Variants in RAB3IL1 observed in about 807,000 individuals in gnomAD.
RAB3IL1 encodes the protein RAB3A interacting protein like 1, also known as guanine nucleotide exchange factor for Rab-3A.
RAB3IL1 carries 37 observed loss-of-function variants against 49.2 expected under a neutral mutation model. The ratio of observed to expected loss-of-function variants is 0.75; its 90% CI spans 0.58 to 0.99. The LOEUF (loss-of-function observed/expected upper bound fraction) is 0.99, where lower values mean the gene tolerates loss of function less well. Among genes scored for constraint, RAB3IL1 ranks in the 50% least tolerant of loss-of-function variants. The pLI is 0.00. For missense variants in RAB3IL1, 484 were observed against 513.0 expected, an observed-to-expected ratio of 0.94 and a Z score of 0.55; for synonymous variants, 193 against 213.9, an observed-to-expected ratio of 0.90 and a Z score of 0.85.
chr11:61,931,418 G>C, the RAB3IL1 span, among the ~76,000 whole-genome samples: 2 of 152,200 alleles, frequency 1.3e-5, no homozygotes, highest in African/African-American at 2.4e-5. Context: ...AACCCAAGAA[G>C]AGAGATCTAA....
intron 1 of RAB3IL1, among the ~76,000 whole-genome samples, chr11:61,911,870 G>A (rs1939466889): frequency 6.6e-6 from 1 of 152,180 alleles, no homozygotes; most frequent in South Asian, 2.1e-4. Flanking sequence ...AGAAAATGCA[G>A]TAACCACAAT....
the RAB3IL1 span, among the ~76,000 whole-genome samples, chr11:61,942,277 A>G: frequency 6.6e-6 from 1 of 152,302 alleles, no homozygotes; most frequent in Admixed American, 6.5e-5. Context: ...GTTAAGAGTC[A>G]TCACCACTCC....
the RAB3IL1 span, among the ~76,000 whole-genome samples, chr11:61,941,556 T>C: frequency 6.6e-6 from 1 of 152,064 alleles, no homozygotes; most frequent in Non-Finnish European, 1.5e-5. Flanking sequence ...ATCGAGACCA[T>C]CCTGGCTAAT....
chr11:61,908,444 C>G, intron 1 of RAB3IL1, 138 bp from the exon 2 acceptor site: 1 of 1,012,196 alleles, frequency 9.9e-7, no homozygotes, highest in Non-Finnish European at 1.3e-6. Context: ...ACCCTACCAG[C>G]TATCATCAGT....
At chr11:61,936,548 A>G in the RAB3IL1 span, among the ~76,000 whole-genome samples, 2 of 152,178 alleles carry the variant, frequency 1.3e-5, no homozygotes, top group Middle Eastern at 6.8e-3. Context: ...CGCCATGTTG[A>G]CCAAGCTGGT....
upstream of RAB3IL1, among the ~76,000 whole-genome samples, chr11:61,920,744 T>A (rs1019734685): frequency 6.6e-6 from 1 of 152,154 alleles, no homozygotes; most frequent in African/African-American, 2.4e-5. Context: ...ACCAACATGG[T>A]GAAACCCTGT....
chr11:61,899,424 T>TG, intron 8 of RAB3IL1, 44 bp from the exon 9 acceptor site: 1 of 1,579,844 alleles, frequency 6.3e-7, no homozygotes, highest in Non-Finnish European at 8.6e-7. Flanking sequence ...AGCCCCACGC[T>TG]GGGGGTCCCC....
the RAB3IL1 span, among the ~76,000 whole-genome samples, chr11:61,927,133 C>T: frequency 3.3e-5 from 5 of 152,164 alleles, no homozygotes; most frequent in African/African-American, 7.2e-5. Flanking sequence ...CATGAGCCAA[C>T]GCACCCAGCC....
intron 1 of RAB3IL1, among the ~76,000 whole-genome samples, chr11:61,915,272 C>T (rs540295795): frequency 3.3e-5 from 5 of 152,188 alleles, no homozygotes; most frequent in African/African-American, 1.2e-4. Flanking sequence ...GCTGGCTCAT[C>T]CAGAGTGTTG....
At chr11:61,899,234 C>A in intron 9 of RAB3IL1, 80 bp downstream of exon 9, 1 of 1,447,156 alleles carries the variant, frequency 6.9e-7, no homozygotes, top group East Asian at 2.4e-5. Context: ...CCACTAGGGG[C>A]AGGTGGGCCC....
At chr11:61,913,894 G>T (rs1939569987) in intron 1 of RAB3IL1, among the ~76,000 whole-genome samples, 1 of 148,068 alleles carries the variant, frequency 6.8e-6, no homozygotes, top group Admixed American at 6.7e-5. Context: ...GAGGGTCTAG[G>T]ACAAGCAGGA....
Position 61,906,405 on chromosome 11 carries a change from C to A in RAB3IL1, c.657+61G>T. 6.9e-7 allele frequency: 1 copy of A among 1,441,742 alleles called. No individual in the cohort carries two copies. The highest frequency in any genetic ancestry group is 1.4e-5 in the African/African-American group (1 of 71,192). The allele number at this position is 1,441,742 out of a possible 1,614,324, so 89.3% of individuals were successfully genotyped here. A position where few individuals can be genotyped will look rare whatever the true frequency, so the allele number is the denominator to read the frequency against. On this transcript the variant is annotated intron_variant, in intron 5 of 9. Transcript: ENST00000394836. The surrounding 1 kb of genome is among the most constrained non-coding windows in gnomAD (Gnocchi z 4.6). The stretch of plus-strand genomic sequence containing the variant: ...CAGGCTGGTCCTCACTGGGCTCGGA[C>A]CCTGCCTACCGCAGGCACTGCCACC...
In RAB3IL1 at chr11:61,904,763, T is replaced by C. The variant is rs174473; in HGVS notation, c.777A>G (p.Thr259=). 403,569 of 1,602,500 alleles carry C rather than the reference T, an allele frequency of 0.25. 55,387 individuals are homozygous for C. The highest frequency in any genetic ancestry group is 0.48 in the South Asian group (42,505 of 89,456). The part of the protein sequence containing the change: ...REDVGPCLDF[T]MQELSVLVRA... The stretch of plus-strand genomic sequence containing the variant: ...CCCTGCCATGCCTCACCTCCTGCAT[T>C]GTGAAGTCCAGGCAGGGGCCCACGT... Residue 259 remains threonine (T), a synonymous_variant, in exon 6 of 10, where the codon ACA becomes ACG. Transcript: ENST00000394836.
the RAB3IL1 span, among the ~76,000 whole-genome samples, chr11:61,944,220 C>CCCCT: frequency 2.9e-3 from 107 of 37,068 alleles, 1 homozygote; most frequent in Non-Finnish European, 1.8e-3. Context: ...CCTTCCTTCC[C>CCCCT]TCCTTCCTTC....
At chr11:61,920,313 C>G (rs548236643), upstream of RAB3IL1, 24 of 1,205,986 alleles carry the variant, frequency 2.0e-5, no homozygotes, top group East Asian at 4.4e-4. Flanking sequence ...AGAGCAGCAG[C>G]CTGGGAGGGA....
chr11:61,917,433 C>G lies in RAB3IL1; in HGVS notation c.-66G>C. ...GCCGCGTCCTCCCAGCGCCGCGTCCCCGCCCGCCGCCGACTCCGCCAGGGG... is the reference window on the plus strand; with the variant it reads ...GCCGCGTCCTCCCAGCGCCGCGTCCGCGCCCGCCGCCGACTCCGCCAGGGG... On this transcript the variant is annotated 5_prime_UTR_variant, in exon 1 of 10. Coordinates refer to ENST00000394836, the MANE Select transcript of RAB3IL1 (RefSeq NM_013401.4). 1.7e-6 allele frequency: 2 copies of G among 1,190,128 alleles called. No individual in the cohort carries two copies. The highest frequency in any genetic ancestry group is 2.1e-6 in the Non-Finnish European group (2 of 963,340). The allele number at this position is 1,190,128 out of a possible 1,614,324, so 73.7% of individuals were successfully genotyped here.
At chr11:61,931,101 A>C in the RAB3IL1 span, among the ~76,000 whole-genome samples, 1 of 152,188 alleles carries the variant, frequency 6.6e-6, no homozygotes, top group Non-Finnish European at 1.5e-5. Flanking sequence ...TGAAGTATAG[A>C]GCACTAGATC....
At chr11:61,924,800 T>C (rs995224762), upstream of RAB3IL1, among the ~76,000 whole-genome samples, 2 of 152,060 alleles carry the variant, frequency 1.3e-5, no homozygotes, top group African/African-American at 4.8e-5. Context: ...GGGGATTCCT[T>C]TGGGCCCAGA....
upstream of RAB3IL1, among the ~76,000 whole-genome samples, chr11:61,918,052 A>G (rs1464250095): frequency 1.3e-5 from 2 of 150,700 alleles, no homozygotes; most frequent in Non-Finnish European, 1.5e-5. Flanking sequence ...TTCTGGTCCA[A>G]CTCTCCTCAC....
Sources: gnomAD v4.1 joint callset for allele counts (sites outside exome capture counted in the v4.1 genomes callset) on GRCh38, gnomAD v4.1.1 for gene constraint, Gnocchi (gnomAD v3.1) non-coding constraint, MANE v1.5 for transcripts, NCBI Gene and HGNC (gene_info 2026-07-23, HGNC 2026-07-21) for gene names.